The following CHID1 variants were observed in gnomAD, a reference collection of about 807,000 sequenced individuals.
The protein encoded by CHID1 is chitinase domain-containing protein 1.
In CHID1, 44 loss-of-function variants were observed where a neutral mutation model predicts 55.4. The ratio of observed to expected loss-of-function variants is 0.79; its 90% CI spans 0.62 to 1.02. CHID1 has a LOEUF of 1.02. Ranked by LOEUF, CHID1 falls within the 50% of genes least tolerant of loss-of-function variation. The pLI, the probability that CHID1 is intolerant of heterozygous loss-of-function variation, is 0.00. For missense variants in CHID1, 491 were observed against 515.3 expected, an observed-to-expected ratio of 0.95 and a Z score of 0.46; for synonymous variants, 216 against 212.9, an observed-to-expected ratio of 1.01 and a Z score of -0.13.
chr11:883,844 A>T (rs1378845435), intron 9 of CHID1, among the ~76,000 whole-genome samples: 2 of 152,236 alleles, frequency 1.3e-5, no homozygotes, highest in Non-Finnish European at 2.9e-5. Flanking sequence ...GCCGTGACCC[A>T]GCTCCACCAG....
chr11:911,949 G>A (rs1852719620), upstream of CHID1, among the ~76,000 whole-genome samples: 1 of 152,244 alleles, frequency 6.6e-6, no homozygotes, highest in African/African-American at 2.4e-5. Flanking sequence ...TGCTAAGGAG[G>A]CCATGGCAAC....
At chr11:901,594 G>C (rs1043474442) in intron 4 of CHID1, among the ~76,000 whole-genome samples, 1 of 152,196 alleles carries the variant, frequency 6.6e-6, no homozygotes, top group Non-Finnish European at 1.5e-5. Context: ...CTGAGAGAGG[G>C]ACAGAGGAGG....
chr11:874,442 G>A lies in CHID1; in HGVS notation c.960-3943C>T, dbSNP rs576461684. Reference sequence around the variant, plus strand: ...CAAGCCACTGCACTCCAGACTGGGCGACAAGAGTGAAACTCCATCTCCAAA... The same window carrying A: ...CAAGCCACTGCACTCCAGACTGGGCAACAAGAGTGAAACTCCATCTCCAAA... On this transcript the variant is annotated intron_variant, in intron 10 of 12. Transcript: ENST00000323578. 9.5e-4 allele frequency among the ~76,000 whole-genome samples: 144 copies of A among 152,284 alleles called. 1 individual carries two copies. The highest frequency in any genetic ancestry group is 3.4e-3 in the Middle Eastern group (1 of 294).
chr11:906,139 G>A (rs1589905971), intron 1 of CHID1, among the ~76,000 whole-genome samples: 2 of 152,162 alleles, frequency 1.3e-5, no homozygotes, highest in East Asian at 3.9e-4. Context: ...TCACCACATT[G>A]GCCAGGCTGG....
intron 7 of CHID1, among the ~76,000 whole-genome samples, chr11:897,452 G>A (rs561870673): frequency 6.6e-6 from 1 of 152,332 alleles, no homozygotes; most frequent in Admixed American, 6.5e-5. Context: ...GTCTCCTGCT[G>A]AGACACCCCT....
chr11:900,006 T>C lies in CHID1; in HGVS notation c.544A>G (p.Lys182Glu). The C allele has an allele frequency of 6.2e-7, 1 of 1,611,454 alleles. No homozygotes were observed. Among genetic ancestry groups the C allele is most frequent in the Non-Finnish European group, 8.5e-7 (1 of 1,177,680 alleles). The change falls in exon 6 of 13, where the codon AAG becomes GAG. Residue 182 changes from lysine to glutamate, a missense_variant and splice_region_variant. Coordinates refer to ENST00000323578, the MANE Select transcript of CHID1 (RefSeq NM_023947.4). ...ELSKTVVQVAKNQHFDGFVVE... is the reference protein window; with the variant it reads ...ELSKTVVQVAENQHFDGFVVE... ...CTGGAGCAGCACACAGGTCTCACCTTTGCCACCTGGACCACGGTCTTGCTC... is the reference window on the plus strand; with the variant it reads ...CTGGAGCAGCACACAGGTCTCACCTCTGCCACCTGGACCACGGTCTTGCTC...
Position 895,176 on chromosome 11 carries a change from A to T in CHID1, c.609-1657T>A, listed in dbSNP as rs545525882. 2.0e-4 allele frequency among the ~76,000 whole-genome samples: 30 copies of T among 152,170 alleles called. No individual in the cohort carries two copies. In the South Asian group the frequency reaches 6.2e-3, roughly 32 times the overall value. Reference sequence around the variant, plus strand: ...CCAGATGCCTGGGGAAGCTGACCCTACCTGGGGGTCTCCTGCCTGGTTCCC... The same window carrying T: ...CCAGATGCCTGGGGAAGCTGACCCTTCCTGGGGGTCTCCTGCCTGGTTCCC... On this transcript the variant is annotated intron_variant, in intron 7 of 12. Transcript: ENST00000323578.
Position 869,062 on chromosome 11 carries a change from C to G in CHID1, c.*796G>C, listed in dbSNP as rs935203240. 6.6e-6 allele frequency: 1 copy of G among 152,340 alleles called. No individual in the cohort carries two copies. The highest frequency in any genetic ancestry group is 1.5e-5 in the Non-Finnish European group (1 of 68,116). The allele number at this position is 152,340 out of a possible 1,614,324, so 9.4% of individuals were successfully genotyped here. A position where few individuals can be genotyped will look rare whatever the true frequency, so the allele number is the denominator to read the frequency against. ...CAGGGCCTCCCCAGAGCCTGGACAC[C>G]GCTGCATGGCAGGGTGGGTGTAGCC... is the stretch of plus-strand genomic sequence containing the variant. On this transcript the variant is annotated 3_prime_UTR_variant, in exon 13 of 13. Coordinates refer to ENST00000323578, the MANE Select transcript of CHID1 (RefSeq NM_023947.4).
intron 8 of CHID1, among the ~76,000 whole-genome samples, chr11:885,992 C>T (rs1333671540): frequency 6.6e-6 from 1 of 151,612 alleles, no homozygotes; most frequent in Non-Finnish European, 1.5e-5. Flanking sequence ...ACTAAAAATA[C>T]AAAAAAATTA....
At chr11:899,089 G>A (rs995896603) in intron 7 of CHID1, among the ~76,000 whole-genome samples, 3 of 152,264 alleles carry the variant, frequency 2.0e-5, no homozygotes, top group Non-Finnish European at 4.4e-5. Flanking sequence ...CATCAGGCCT[G>A]GCGCAGCAAT....
chr11:895,989 T>C (rs1030941292), intron 7 of CHID1, among the ~76,000 whole-genome samples: 1 of 151,894 alleles, frequency 6.6e-6, no homozygotes, highest in Non-Finnish European at 1.5e-5. Context: ...CAGTGGCCAC[T>C]CCGGCTCAGC....
At chr11:897,399 A>T (rs377232102) in intron 7 of CHID1, among the ~76,000 whole-genome samples, 1 of 151,966 alleles carries the variant, frequency 6.6e-6, no homozygotes, top group African/African-American at 2.4e-5. Context: ...TAATAGACCC[A>T]CTCTCCCAGG....
chr11:896,107 G>A (rs531417031), intron 7 of CHID1, among the ~76,000 whole-genome samples: 5 of 142,392 alleles, frequency 3.5e-5, no homozygotes, highest in South Asian at 2.1e-4. Flanking sequence ...GACACAACGA[G>A]CCTGTCTCAG....
intron 8 of CHID1, among the ~76,000 whole-genome samples, chr11:888,770 C>T (rs556841964): frequency 3.3e-5 from 5 of 151,790 alleles, no homozygotes; most frequent in Admixed American, 2.6e-4. Context: ...GACTGGACCC[C>T]GGGCCCACAC....
Position 904,735 on chromosome 11 carries a change from T to C in CHID1, c.82A>G (p.Lys28Glu). ...HTTLSKSDAK[K>E]AASKTLLEKS... is the part of the protein sequence containing the mutation. ...TCCAGCAGCGTCTTTGAGGCGGCTT[T>C]TTTGGCATCTGACTTTGACAGGGTA... The change falls in exon 2 of 13, where the codon AAA (lysine) becomes GAA (glutamate). Residue 28 changes from lysine (K) to glutamate (E), a missense_variant. By Grantham distance (56) the Lys-to-Glu change is moderately conservative (BLOSUM62 1). Coordinates refer to ENST00000323578, the MANE Select transcript of CHID1 (RefSeq NM_023947.4). 1 of 1,614,094 alleles carries C rather than the reference T, an allele frequency of 6.2e-7. No homozygotes were observed. Among genetic ancestry groups the C allele is most frequent in the East Asian group, 2.2e-5 (1 of 44,884 alleles).
At chr11:909,508 TG>T (rs2134386220) in intron 1 of CHID1, among the ~76,000 whole-genome samples, 1 of 152,310 alleles carries the variant, frequency 6.6e-6, no homozygotes, top group Non-Finnish European at 1.5e-5. Context: ...ATGGAAATGA[TG>T]GGAGTCACAG....
upstream of CHID1, among the ~76,000 whole-genome samples, chr11:912,876 C>A (rs892546293): frequency 1.3e-5 from 2 of 151,710 alleles, no homozygotes; most frequent in East Asian, 1.9e-4. Flanking sequence ...AAACTGACTT[C>A]TTTAGGTGGG....
Position 893,425 on chromosome 11 carries a change from AC to A in CHID1, c.701+1del. On this transcript the variant is annotated splice_donor_variant, in intron 8 of 12. Transcript: ENST00000323578. LOFTEE classifies it high-confidence loss of function. The stretch of plus-strand genomic sequence containing the variant: ...CCCCCACATCTCAAGAGCGGCACTT[AC>A]CCGGGGGTGATGGCAGGCGGGATGA... 1 of 1,549,008 alleles carries A rather than the reference AC, an allele frequency of 6.5e-7. No homozygotes were observed. The highest frequency in any genetic ancestry group is 8.7e-7 in the Non-Finnish European group (1 of 1,146,388).
At chr11:889,344 C>T (rs372220025) in intron 8 of CHID1, among the ~76,000 whole-genome samples, 8 of 152,214 alleles carry the variant, frequency 5.3e-5, no homozygotes, top group Admixed American at 1.3e-4. Context: ...CCTCTTCCCT[C>T]GGCCGACCAG....
Sources: gnomAD v4.1 joint callset for allele counts (sites outside exome capture counted in the v4.1 genomes callset) on GRCh38, gnomAD v4.1.1 for gene constraint, MANE v1.5 for transcripts, NCBI Gene and HGNC (gene_info 2026-07-23, HGNC 2026-07-21) for gene names.